Variants in ARHGEF12 observed in about 807,000 individuals in gnomAD.
ARHGEF12 encodes the protein Rho guanine nucleotide exchange factor 12.
In ARHGEF12, 66 loss-of-function variants were observed where a neutral mutation model predicts 211.2. That is an observed-to-expected ratio of 0.31 (90% CI 0.26 to 0.38). The LOEUF (loss-of-function observed/expected upper bound fraction) is 0.38. Ranked by LOEUF, ARHGEF12 falls within the 10% of genes least tolerant of loss-of-function variation. ARHGEF12 has a pLI of 1.00. For synonymous variants in ARHGEF12, 592 were observed against 638.4 expected (o/e 0.93, Z 1.09); for missense variants, 1,429 against 1,869.5 (o/e 0.76, Z 4.34).
In ARHGEF12 at chr11:120,469,329, C is replaced by T; in HGVS notation, c.2896C>T (p.His966Tyr). The T allele has an allele frequency of 6.2e-7, 1 of 1,613,318 alleles. No individual in the cohort carries two copies. Among genetic ancestry groups the T allele is most frequent in the Non-Finnish European group, 8.5e-7 (1 of 1,179,618 alleles). Residue 966 changes from histidine to tyrosine, a missense_variant, in exon 30 of 41, where the codon CAC becomes TAC. Around this residue, in one of 7 missense-constraint regions of ARHGEF12, gnomAD observed 223 missense variants for 444.6 expected, o/e 0.50. Coordinates refer to ENST00000397843, the MANE Select transcript of ARHGEF12 (RefSeq NM_015313.3). ...EREKVKKAAD[H>Y]CRQILNYVNQ... The stretch of plus-strand genomic sequence containing the variant: ...GGAGAAGGTGAAGAAAGCTGCAGAT[C>T]ACTGTCGTCAGATCTTAAATTATGT...
At chr11:120,348,658 A>G (rs992242666) in intron 1 of ARHGEF12, among the ~76,000 whole-genome samples, 14 of 152,140 alleles carry the variant, frequency 9.2e-5, no homozygotes, top group Non-Finnish European at 1.6e-4. Context: ...CCTGAACAAC[A>G]TGGAGAAACC....
chr11:120,480,662 A>G (rs1947206581), intron 38 of ARHGEF12, among the ~76,000 whole-genome samples: 1 of 152,218 alleles, frequency 6.6e-6, no homozygotes, highest in Admixed American at 6.5e-5. Flanking sequence ...CCATCTTCTC[A>G]TGAAGCTAGG....
chr11:120,390,094 A>G (rs1464930136), intron 1 of ARHGEF12, among the ~76,000 whole-genome samples: 3 of 151,970 alleles, frequency 2.0e-5, no homozygotes. Context: ...GGGTCTCTAC[A>G]GTGTCCCCTA....
intron 1 of ARHGEF12, among the ~76,000 whole-genome samples, chr11:120,398,819 T>G (rs930107381): frequency 6.6e-6 from 1 of 152,156 alleles, no homozygotes; most frequent in African/African-American, 2.4e-5. Context: ...TGTAATGATA[T>G]TGGTTATGAT....
chr11:120,421,989 C>T (rs182245211), intron 6 of ARHGEF12, 137 bp downstream of exon 6: 6 of 616,852 alleles, frequency 9.7e-6, no homozygotes, highest in African/African-American at 5.8e-5. Context: ...ACTATACAAA[C>T]TTATTTCATT....
chr11:120,467,290 A>G lies in ARHGEF12; in HGVS notation c.2836A>G (p.Asn946Asp). The G allele has an allele frequency of 6.2e-7, 1 of 1,606,298 alleles. No homozygotes were observed. Among genetic ancestry groups the G allele is most frequent in the Non-Finnish European group, 8.5e-7 (1 of 1,173,732 alleles). The change falls in exon 29 of 41, where the codon AAT (asparagine) becomes GAT (aspartate). Residue 946 changes from asparagine (N) to aspartate (D), a missense_variant. Transcript: ENST00000397843. ...TACTAAGTACCCACTTCTGTTGGAT[A>G]ATATTGCCAAATACACAGGTACAGC... ...RLTKYPLLLD[N>D]IAKYTEWPTE...
chr11:120,443,510 A>G (rs1291768251), intron 15 of ARHGEF12, among the ~76,000 whole-genome samples: 4 of 152,166 alleles, frequency 2.6e-5, no homozygotes, highest in Non-Finnish European at 5.9e-5. Context: ...ACAAACACAC[A>G]TTTTGGCTCT....
At chr11:120,409,543 A>G in intron 4 of ARHGEF12, 93 bp downstream of exon 4, 3 of 1,274,116 alleles carry the variant, frequency 2.4e-6, no homozygotes, top group East Asian at 4.9e-5. Flanking sequence ...CTTTCTTTTT[A>G]AATAACTGCA....
intron 1 of ARHGEF12, chr11:120,385,394 A>G: frequency 7.1e-6 from 7 of 985,304 alleles, no homozygotes; most frequent in Non-Finnish European, 8.4e-6. Flanking sequence ...TTGCTAAGGG[A>G]GTGGTATTTT....
At chr11:120,425,671 G>A (rs932012179) in intron 7 of ARHGEF12, among the ~76,000 whole-genome samples, 3 of 151,008 alleles carry the variant, frequency 2.0e-5, no homozygotes, top group African/African-American at 7.3e-5. Flanking sequence ...AGTAAAGAAA[G>A]TCACATGAGA....
At chr11:120,455,581 G>A (rs1016653639) in intron 22 of ARHGEF12, among the ~76,000 whole-genome samples, 8 of 152,140 alleles carry the variant, frequency 5.3e-5, no homozygotes, top group African/African-American at 1.7e-4. Context: ...ATCATTTGAG[G>A]ATACACATTC....
At chr11:120,348,393 T>A (rs191173343) in intron 1 of ARHGEF12, among the ~76,000 whole-genome samples, 4 of 152,214 alleles carry the variant, frequency 2.6e-5, no homozygotes, top group Non-Finnish European at 5.9e-5. Context: ...TCAGTATGGG[T>A]CGAGTAGCTC....
intron 4 of ARHGEF12, among the ~76,000 whole-genome samples, chr11:120,414,477 A>G (rs561170538): frequency 6.6e-6 from 1 of 152,298 alleles, no homozygotes; most frequent in African/African-American, 2.4e-5. Flanking sequence ...TTTAATAACT[A>G]TTTAGTGAGC....
chr11:120,388,201 T>G (rs1944100235), intron 1 of ARHGEF12, among the ~76,000 whole-genome samples: 1 of 152,204 alleles, frequency 6.6e-6, no homozygotes, highest in African/African-American at 2.4e-5. Flanking sequence ...AATTTGCATG[T>G]CTTTTTGTAA....
intron 21 of ARHGEF12, chr11:120,449,795 C>G (rs1477902331): frequency 6.6e-6 from 1 of 151,274 alleles, no homozygotes; most frequent in South Asian, 2.1e-4. Flanking sequence ...TTACTTACCT[C>G]TTCTGATTCT....
chr11:120,378,182 A>G (rs1052035319), intron 1 of ARHGEF12, among the ~76,000 whole-genome samples: 2 of 152,206 alleles, frequency 1.3e-5, no homozygotes, highest in Non-Finnish European at 2.9e-5. Flanking sequence ...AACACTTGGT[A>G]GTATCAGTCT....
chr11:120,357,716 C>T (rs993811133), intron 1 of ARHGEF12, among the ~76,000 whole-genome samples: 4 of 152,114 alleles, frequency 2.6e-5, no homozygotes, highest in Admixed American at 6.5e-5. Flanking sequence ...ATTACAAGCA[C>T]GTGCCACCGC....
intron 1 of ARHGEF12, among the ~76,000 whole-genome samples, chr11:120,347,198 T>TTCTTTCTTTC (rs1555090073): frequency 2.1e-5 from 3 of 141,212 alleles, no homozygotes; most frequent in African/African-American, 5.7e-5. Context: ...CTTTCTTTCT[T>TTCTTTCTTTC]TCTTTCTCTT....
chr11:120,343,530 T>G (rs1327650263), intron 1 of ARHGEF12, among the ~76,000 whole-genome samples: 1 of 152,186 alleles, frequency 6.6e-6, no homozygotes, highest in Non-Finnish European at 1.5e-5. Flanking sequence ...TACACTAACT[T>G]TACCTCTTGA....
Sources: gnomAD v4.1 joint callset for allele counts (sites outside exome capture counted in the v4.1 genomes callset) on GRCh38, gnomAD v4.1.1 for gene constraint, gnomAD v4.1.1 regional missense constraint, MANE v1.5 for transcripts, NCBI Gene and HGNC (gene_info 2026-07-23, HGNC 2026-07-21) for gene names.